Variants in LUZP2 observed in about 807,000 individuals in gnomAD.
LUZP2 encodes the protein leucine zipper protein 2.
LUZP2 carries 52 observed loss-of-function variants against 51.6 expected under a neutral mutation model. The observed-to-expected ratio is 1.01, with a 90% CI of 0.81 to 1.27. The LOEUF (loss-of-function observed/expected upper bound fraction) is 1.27. Ranked by LOEUF, LUZP2 falls within the 50% of genes most tolerant of loss-of-function variation. The probability of loss-of-function intolerance (pLI) is 0.00; values close to 1 mark genes in which losing one functional copy is unlikely to be tolerated. For missense variants in LUZP2, 436 were observed against 395.4 expected (o/e 1.10, Z -0.87); for synonymous variants, 154 against 137.3 (o/e 1.12, Z -0.85).
intron 1 of LUZP2, among the ~76,000 whole-genome samples, chr11:24,590,730 C>T (rs1840963264): frequency 6.6e-6 from 1 of 152,114 alleles, no homozygotes; most frequent in Non-Finnish European, 1.5e-5. Flanking sequence ...ATAGGAAGTA[C>T]ATTAATCATT....
At chr11:24,849,905 G>A (rs1851334342) in intron 5 of LUZP2, among the ~76,000 whole-genome samples, 1 of 152,032 alleles carries the variant, frequency 6.6e-6, no homozygotes, top group Admixed American at 6.6e-5. Context: ...TCATACATTT[G>A]TTGGCTGCAT....
At chr11:24,795,285 C>A (rs1849517064) in intron 5 of LUZP2, among the ~76,000 whole-genome samples, 4 of 151,592 alleles carry the variant, frequency 2.6e-5, no homozygotes, top group Admixed American at 2.0e-4. Flanking sequence ...TGTTTGTTTA[C>A]TTTTTACTCC....
chr11:24,914,332 AG>A (rs2133801604), intron 6 of LUZP2, 143 bp from the exon 7 acceptor site: 2 of 626,684 alleles, frequency 3.2e-6, no homozygotes, highest in South Asian at 2.0e-5. Context: ...AGCAGAGCTA[AG>A]GGTTTCTGCT....
intron 5 of LUZP2, among the ~76,000 whole-genome samples, chr11:24,828,558 GAAAAAAA>G (rs57464249): frequency 2.2e-5 from 3 of 135,002 alleles, no homozygotes; most frequent in Admixed American, 7.5e-5. Context: ...CCCTGTGGCA[GAAAAAAA>G]AAAAAAAAAA....
intron 7 of LUZP2, among the ~76,000 whole-genome samples, chr11:24,949,958 T>A (rs917728627): frequency 8.8e-6 from 1 of 113,332 alleles, no homozygotes; most frequent in Admixed American, 1.2e-4. Flanking sequence ...CCTTTTTCTT[T>A]CTTTCTTTTC....
At position 24,729,347 on chromosome 11, in the gene LUZP2, G is replaced by C. The variant is rs939764111; in HGVS notation, c.180+61G>C. 37 of 815,512 alleles carry C rather than the reference G, an allele frequency of 4.5e-5. No homozygotes were observed. In the Admixed American group the frequency reaches 5.9e-4, roughly 13 times the overall value. The allele number at this position is 815,512 out of a possible 1,614,324, so 50.5% of individuals were successfully genotyped here. On this transcript the variant is annotated intron_variant, in intron 2 of 11. Transcript: ENST00000336930. ...GGAGCAGTCATCTGATTTTCTGAGTGGATTGACATGCATTTTTAAATAGTT... is the reference window on the plus strand; with the variant it reads ...GGAGCAGTCATCTGATTTTCTGAGTCGATTGACATGCATTTTTAAATAGTT...
chr11:24,531,039 T>TTATTATTA (rs1850976537), intron 1 of LUZP2, among the ~76,000 whole-genome samples: 2 of 144,838 alleles, frequency 1.4e-5, no homozygotes, highest in African/African-American at 5.2e-5. Flanking sequence ...TTTAGCCTCT[T>TTATTATTA]TTATTATTAT....
chr11:24,772,431 T>C (rs1051405868), intron 5 of LUZP2, among the ~76,000 whole-genome samples: 2 of 152,188 alleles, frequency 1.3e-5, no homozygotes, highest in Non-Finnish European at 2.9e-5. Flanking sequence ...GTGTAGGAGT[T>C]TGAGTCGAAT....
At chr11:24,742,965 T>C (rs1319351533) in intron 4 of LUZP2, among the ~76,000 whole-genome samples, 3 of 152,052 alleles carry the variant, frequency 2.0e-5, no homozygotes, top group African/African-American at 7.2e-5. Flanking sequence ...TTCCCCACTT[T>C]ATATTTTTGT....
At chr11:24,706,013 T>G (rs1857570075) in intron 1 of LUZP2, among the ~76,000 whole-genome samples, 1 of 152,012 alleles carries the variant, frequency 6.6e-6, no homozygotes, top group South Asian at 2.1e-4. Context: ...CTAGGGCTTG[T>G]AACGCCCAGG....
intron 1 of LUZP2, among the ~76,000 whole-genome samples, chr11:24,509,386 C>T (rs1297263215): frequency 6.6e-6 from 1 of 150,840 alleles, no homozygotes; most frequent in African/African-American, 2.4e-5. Context: ...ATACACTTGC[C>T]TCGAAATTTG....
At chr11:24,876,442 GT>G (rs1303297047) in intron 5 of LUZP2, among the ~76,000 whole-genome samples, 1 of 148,538 alleles carries the variant, frequency 6.7e-6, no homozygotes, top group African/African-American at 2.5e-5. Context: ...GCTCTGCTCT[GT>G]TCCATTGATC....
intron 5 of LUZP2, among the ~76,000 whole-genome samples, chr11:24,874,604 T>C (rs1363253783): frequency 1.3e-5 from 2 of 152,168 alleles, no homozygotes; most frequent in African/African-American, 2.4e-5. Context: ...GTAAGAAATA[T>C]TGACTAAGTC....
intron 1 of LUZP2, among the ~76,000 whole-genome samples, chr11:24,587,368 T>C (rs1214515524): frequency 6.6e-6 from 1 of 152,250 alleles, no homozygotes; most frequent in Non-Finnish European, 1.5e-5. Context: ...TGGAATTATT[T>C]TTATTATTTT....
intron 1 of LUZP2, among the ~76,000 whole-genome samples, chr11:24,663,098 A>G (rs1427609273): frequency 6.6e-6 from 1 of 152,166 alleles, no homozygotes; most frequent in East Asian, 1.9e-4. Context: ...CATCTACCTA[A>G]GCATATATTT....
rs867147499 is a variant in LUZP2, at chr11:24,574,271, T to A, written c.62+76966T>A. Among the ~76,000 whole-genome samples, 74 of 37,328 alleles carry A rather than the reference T, an allele frequency of 2.0e-3. 3 individuals carry two copies. The East Asian group carries it at 0.052, about 26-fold the overall frequency. 24.5% of individuals were successfully genotyped at this position (37,328 alleles called of 152,430 possible). On this transcript the variant is annotated intron_variant, in intron 1 of 11. Transcript: ENST00000336930. ...TTCTTTCTTTCTTTCTTGCTTTCTT[T>A]CTTTCTTTCTTTCTTTCCTTTCTTT...
chr11:24,517,997 C>A (rs1850531684), intron 1 of LUZP2, among the ~76,000 whole-genome samples: 1 of 152,062 alleles, frequency 6.6e-6, no homozygotes, highest in Middle Eastern at 3.4e-3. Context: ...GGATGCTTAT[C>A]TAACACTATC....
chr11:24,796,418 T>G (rs1849545904), intron 5 of LUZP2, among the ~76,000 whole-genome samples: 1 of 152,000 alleles, frequency 6.6e-6, no homozygotes, highest in South Asian at 2.1e-4. Flanking sequence ...GTAATTGCCT[T>G]TTTCAATTTA....
At chr11:24,630,105 G>C (rs1266033213) in intron 1 of LUZP2, among the ~76,000 whole-genome samples, 1 of 151,676 alleles carries the variant, frequency 6.6e-6, no homozygotes, top group African/African-American at 2.4e-5. Context: ...TCCTTGTTGG[G>C]TATATATTGT....
Sources: allele counts gnomAD v4.1 joint callset (sites outside exome capture counted in the v4.1 genomes callset), GRCh38; gene constraint gnomAD v4.1.1; transcripts MANE v1.5; gene names NCBI Gene and HGNC (gene_info 2026-07-23, HGNC 2026-07-21).